Variants in RP1 observed in about 807,000 individuals in gnomAD.
RP1 encodes the protein RP1 axonemal microtubule associated.
Under a neutral mutation model 14.8 loss-of-function variants are expected in RP1, and 16 were observed. That is an observed-to-expected ratio of 1.08 (90% CI 0.73 to 1.65). The LOEUF is 1.65. Ranked by LOEUF, RP1 falls within the 40% of genes most tolerant of loss-of-function variation. The probability of loss-of-function intolerance (pLI) is 0.00; values close to 1 mark genes in which losing one functional copy is unlikely to be tolerated. For synonymous variants in RP1, 876 were observed against 883.6 expected (o/e 0.99, Z 0.15); for missense variants, 2,631 against 2,535.0 (o/e 1.04, Z -0.81).
At chr8:54,613,650 G>A (rs1359534873), upstream of RP1, among the ~76,000 whole-genome samples, 1 of 152,182 alleles carries the variant, frequency 6.6e-6, no homozygotes, top group East Asian at 1.9e-4. Flanking sequence ...TGTTGATGTA[G>A]TGGGAAGGCA....
chr8:54,633,716 T>TCC (rs1183602128), downstream of RP1, among the ~76,000 whole-genome samples: 1 of 107,638 alleles, frequency 9.3e-6, no homozygotes, highest in East Asian at 2.6e-4. Context: ...TGTGCCTCTC[T>TCC]CTCTCTCTCT....
At chr8:54,631,632 C>G (rs1011542266), downstream of RP1, among the ~76,000 whole-genome samples, 3 of 151,662 alleles carry the variant, frequency 2.0e-5, no homozygotes, top group African/African-American at 7.3e-5. Flanking sequence ...GGATTTGAAC[C>G]CAGTTCTTTG....
exon 24 of RP1, chr8:54,783,561 G>A: frequency 1.6e-6 from 2 of 1,231,294 alleles, no homozygotes; most frequent in Non-Finnish European, 2.0e-6. Context: ...AGACTGGAAG[G>A]TGACCATTGT....
intron 28 of RP1, chr8:54,865,920 T>A: frequency 2.5e-6 from 3 of 1,197,698 alleles, no homozygotes; most frequent in Non-Finnish European, 2.1e-6. Context: ...GCAACAGGTA[T>A]GCTCTTAATG....
intron 6 of RP1, among the ~76,000 whole-genome samples, chr8:54,660,790 C>G (rs759107020): frequency 6.6e-6 from 1 of 151,570 alleles, no homozygotes; most frequent in Non-Finnish European, 1.5e-5. Flanking sequence ...TTCAGTTTAC[C>G]CAGTAGAACC....
chr8:54,769,822 G>A (rs937289793), exon 23 of RP1: 3 of 1,497,236 alleles, frequency 2.0e-6, no homozygotes, highest in African/African-American at 1.4e-5. Context: ...GAAACCATCA[G>A]TAGAAGAAAG....
downstream of RP1, chr8:54,630,910 G>A: frequency 3.8e-6 from 3 of 791,484 alleles, no homozygotes; most frequent in Non-Finnish European, 4.6e-6. Context: ...AGGATTTAGT[G>A]TTTTTCTAAT....
intron 24 of RP1, among the ~76,000 whole-genome samples, chr8:54,820,521 A>G (rs772752348): frequency 2.8e-4 from 42 of 152,060 alleles, no homozygotes; most frequent in Non-Finnish European, 2.5e-4. Context: ...CTTCATGGGC[A>G]CAGGAAGAAT....
intron 24 of RP1, among the ~76,000 whole-genome samples, chr8:54,832,323 A>G (rs1398230390): frequency 1.3e-5 from 2 of 151,804 alleles, no homozygotes; most frequent in African/African-American, 4.8e-5. Context: ...AGATGCTGTT[A>G]AATTGTTTTA....
intron 17 of RP1, among the ~76,000 whole-genome samples, chr8:54,729,850 A>T (rs773469201): frequency 5.3e-5 from 8 of 152,086 alleles, no homozygotes; most frequent in African/African-American, 1.2e-4. Flanking sequence ...ATATTATTTC[A>T]TTAGAATAAT....
chr8:54,764,367 A>G (rs975419909), intron 22 of RP1, among the ~76,000 whole-genome samples: 4 of 152,242 alleles, frequency 2.6e-5, no homozygotes, highest in African/African-American at 9.6e-5. Flanking sequence ...TACCTAACTC[A>G]TGGCCATTCC....
intron 16 of RP1, chr8:54,726,199 T>G: frequency 1.1e-6 from 1 of 923,890 alleles, no homozygotes; most frequent in Non-Finnish European, 1.5e-6. Context: ...CTGTTAACTA[T>G]GTAATTCTGA....
rs748329990 is a variant in RP1, at chr8:54,630,163, A to T, written c.6281A>T (p.His2094Leu). ...GTAGTAAGAGAAAATATCAACTGTC[A>T]TTACTTCTTTGAAATGCTTGGTCAA... ...NQVVRENINC[H>L]YFFEMLGQAC... is the part of the protein sequence containing the mutation. The change falls in exon 4 of 4, where the codon CAT (histidine) becomes CTT (leucine). Residue 2094 changes from histidine to leucine, a missense_variant. His to Leu is a moderately conservative substitution (Grantham distance 99). Transcript: ENST00000220676. 1.2e-6 allele frequency: 2 copies of T among 1,613,780 alleles called. No homozygotes were observed. Among genetic ancestry groups the T allele is most frequent in the African/African-American group, 2.7e-5 (2 of 75,024 alleles).
chr8:54,823,391 C>A (rs541885769), intron 24 of RP1, among the ~76,000 whole-genome samples: 1 of 152,074 alleles, frequency 6.6e-6, no homozygotes, highest in Non-Finnish European at 1.5e-5. Context: ...AGTGCAGTGG[C>A]GCCACCTTGG....
At chr8:54,685,855 C>A (rs985481227) in intron 12 of RP1, among the ~76,000 whole-genome samples, 1 of 152,132 alleles carries the variant, frequency 6.6e-6, no homozygotes, top group Non-Finnish European at 1.5e-5. Context: ...ATCCTTACTT[C>A]TCGAATTAAT....
chr8:54,826,912 A>G (rs1811397327), intron 24 of RP1, among the ~76,000 whole-genome samples: 1 of 152,244 alleles, frequency 6.6e-6, no homozygotes, highest in Non-Finnish European at 1.5e-5. Context: ...CCTATGCTAT[A>G]TGGGATTGCC....
At chr8:54,640,626 G>A (rs1219149735) in intron 3 of RP1, among the ~76,000 whole-genome samples, 4 of 152,132 alleles carry the variant, frequency 2.6e-5, no homozygotes, top group Non-Finnish European at 5.9e-5. Flanking sequence ...GTCGGCTGGT[G>A]CTTAGATTCA....
intron 12 of RP1, chr8:54,697,127 A>G: frequency 3.8e-6 from 5 of 1,333,154 alleles, no homozygotes; most frequent in Non-Finnish European, 4.2e-6. Flanking sequence ...GCTCATCTAG[A>G]CCTAGGTGCC....
chr8:54,656,201 A>C, exon 6 of RP1: 1 of 1,535,444 alleles, frequency 6.5e-7, no homozygotes. Context: ...AGTAAAGGAC[A>C]ACCTGTCCTT....
Sources: allele counts gnomAD v4.1 joint callset (sites outside exome capture counted in the v4.1 genomes callset), GRCh38; gene constraint gnomAD v4.1.1; transcripts MANE v1.5; gene names NCBI Gene and HGNC (gene_info 2026-07-23, HGNC 2026-07-21).